The following TNFSF15 variants were observed in gnomAD, a reference collection of about 807,000 sequenced individuals.
TNFSF15 encodes the protein tumor necrosis factor ligand superfamily member 15.
In TNFSF15, 15 loss-of-function variants were observed where a neutral mutation model predicts 26.4. The ratio of observed to expected loss-of-function variants is 0.57; its 90% CI spans 0.38 to 0.87. The LOEUF (loss-of-function observed/expected upper bound fraction) is 0.87, where lower values mean the gene tolerates loss of function less well. Among genes scored for constraint, TNFSF15 ranks in the 40% least tolerant of loss-of-function variants. The pLI is 0.00. For synonymous variants in TNFSF15, 116 were observed against 115.0 expected (o/e 1.01, Z -0.06); for missense variants, 290 against 306.1 (o/e 0.95, Z 0.39).
intron 1 of TNFSF15, among the ~76,000 whole-genome samples, chr9:114,799,572 A>G (rs1260668924): frequency 1.3e-5 from 2 of 152,182 alleles, no homozygotes; most frequent in African/African-American, 2.4e-5. Context: ...GAGTGCAAAT[A>G]GATTGAGGGA....
rs555180506 is a variant in TNFSF15 at position 114,787,140 on chromosome 9, T to C, written c.*3312A>G. On this transcript the variant is annotated 3_prime_UTR_variant, in exon 4 of 4. Coordinates refer to ENST00000374045, the MANE Select transcript of TNFSF15 (RefSeq NM_005118.4). Reference sequence around the variant, plus strand: ...GACCAAACTTGAATATAGCAAATAATAACCTGTCTCTACATGTAGTTTAAA... The same window carrying C: ...GACCAAACTTGAATATAGCAAATAACAACCTGTCTCTACATGTAGTTTAAA... The C allele has an allele frequency of 6.6e-6, 1 of 152,276 alleles. No homozygotes were observed. Among genetic ancestry groups the C allele is most frequent in the African/African-American group, 2.4e-5 (1 of 41,564 alleles). 9.4% of individuals were successfully genotyped at this position (152,276 alleles called of 1,614,324 possible).
chr9:114,800,798 C>T (rs1829736504), intron 1 of TNFSF15, among the ~76,000 whole-genome samples: 1 of 152,160 alleles, frequency 6.6e-6, no homozygotes, highest in South Asian at 2.1e-4. Context: ...GTGGTTTCTG[C>T]TATATAATAA....
At chr9:114,795,306 C>T (rs1236745036) in intron 1 of TNFSF15, among the ~76,000 whole-genome samples, 3 of 152,192 alleles carry the variant, frequency 2.0e-5, no homozygotes, top group East Asian at 1.9e-4. Context: ...GAGTGATCCT[C>T]TTATTATATG....
intron 1 of TNFSF15, 41 bp from the exon 2 acceptor site, chr9:114,793,609 T>C (rs778190117): frequency 6.3e-7 from 1 of 1,596,524 alleles, no homozygotes; most frequent in African/African-American, 1.3e-5. Context: ...ACTGTGGTCC[T>C]TTTGATCCCA....
rs1477806331 is a variant in TNFSF15, at chr9:114,790,431, A to G, written c.*21T>C. The G allele has an allele frequency of 6.5e-6, 10 of 1,544,506 alleles. No individual in the cohort carries two copies. Among genetic ancestry groups the G allele is most frequent in the Non-Finnish European group, 8.7e-6 (10 of 1,145,906 alleles). ...GAACTCGGTGGCAGAGGACTTTCATATAATGATATTTGCTCTCCTCCTATA... is the reference window on the plus strand; with the variant it reads ...GAACTCGGTGGCAGAGGACTTTCATGTAATGATATTTGCTCTCCTCCTATA... On this transcript the variant is annotated 3_prime_UTR_variant, in exon 4 of 4. Transcript: ENST00000374045.
rs999256118 is a variant in TNFSF15 at position 114,784,768 on chromosome 9, C to T, written c.*5684G>A. On this transcript the variant is annotated 3_prime_UTR_variant, in exon 4 of 4. Transcript: ENST00000374045. ...AGTACCCAAAGACATGGGATGCATA[C>T]CAGTTAAGTACGTATCCAACAACAT... 1.3e-5 allele frequency: 2 copies of T among 152,126 alleles called. No individual in the cohort carries two copies. Among genetic ancestry groups the T allele is most frequent in the Non-Finnish European group, 2.9e-5 (2 of 68,016 alleles). The allele number at this position is 152,126 out of a possible 1,614,324, so 9.4% of individuals were successfully genotyped here.
intron 1 of TNFSF15, among the ~76,000 whole-genome samples, chr9:114,796,987 G>A (rs1224603749): frequency 6.6e-6 from 1 of 152,152 alleles, no homozygotes; most frequent in Non-Finnish European, 1.5e-5. Flanking sequence ...CAGAGCTGAA[G>A]GAATTGATCC....
chr9:114,797,738 T>C (rs1305470091), intron 1 of TNFSF15, among the ~76,000 whole-genome samples: 1 of 152,152 alleles, frequency 6.6e-6, no homozygotes, highest in Non-Finnish European at 1.5e-5. Flanking sequence ...ATGGCAACAT[T>C]AGCCTCCAAT....
intron 1 of TNFSF15, among the ~76,000 whole-genome samples, chr9:114,797,513 A>G (rs970317431): frequency 6.6e-6 from 1 of 152,288 alleles, no homozygotes; most frequent in Non-Finnish European, 1.5e-5. Flanking sequence ...GATAGGAAGC[A>G]GTAATGAATG....
Position 114,787,766 on chromosome 9 carries a change from AT to A in TNFSF15, c.*2685del, listed in dbSNP as rs1325282322. On this transcript the variant is annotated 3_prime_UTR_variant, in exon 4 of 4. Coordinates refer to ENST00000374045, the MANE Select transcript of TNFSF15 (RefSeq NM_005118.4). ...GTCTGACTGTGCCTTTCCGTAAAAA[AT>A]ATACTATACAGAATTTAACAAAATC... The A allele has an allele frequency of 6.5e-6, 1 of 153,798 alleles. No individual in the cohort carries two copies. Among genetic ancestry groups the A allele is most frequent in the African/African-American group, 2.4e-5 (1 of 41,464 alleles). 9.5% of individuals were successfully genotyped at this position (153,798 alleles called of 1,614,324 possible). A position where few individuals can be genotyped will look rare whatever the true frequency, so the allele number is the denominator to read the frequency against.
Position 114,790,352 on chromosome 9 carries a change from T to G in TNFSF15, c.*100A>C. On this transcript the variant is annotated 3_prime_UTR_variant, in exon 4 of 4. Transcript: ENST00000374045. ...GTTGTCCCTGTGGAATGCCCCCTAC[T>G]CCCGGCCCCAAGAAAACCCCTGGTT... The G allele has an allele frequency of 8.0e-7, 1 of 1,255,968 alleles. No individual in the cohort carries two copies. Among genetic ancestry groups the G allele is most frequent in the Non-Finnish European group, 1.1e-6 (1 of 904,652 alleles). 77.8% of individuals were successfully genotyped at this position (1,255,968 alleles called of 1,614,324 possible).
rs572147713 is a variant in TNFSF15 at position 114,787,153 on chromosome 9, C to G, written c.*3299G>C. On this transcript the variant is annotated 3_prime_UTR_variant, in exon 4 of 4. Coordinates refer to ENST00000374045, the MANE Select transcript of TNFSF15 (RefSeq NM_005118.4). The stretch of plus-strand genomic sequence containing the variant: ...TATAGCAAATAATAACCTGTCTCTA[C>G]ATGTAGTTTAAATAATGGATTCTAC... The G allele has an allele frequency of 3.9e-5, 6 of 152,194 alleles. No homozygotes were observed. In the South Asian group the frequency reaches 1.0e-3, roughly 26 times the overall value. 9.4% of individuals were successfully genotyped at this position (152,194 alleles called of 1,614,324 possible).
At chr9:114,803,412 C>A (rs1457683362) in intron 1 of TNFSF15, among the ~76,000 whole-genome samples, 2 of 152,148 alleles carry the variant, frequency 1.3e-5, no homozygotes, top group African/African-American at 4.8e-5. Flanking sequence ...AGAAATGAAG[C>A]CACATGCCTA....
intron 1 of TNFSF15, among the ~76,000 whole-genome samples, chr9:114,804,141 C>G (rs1240394404): frequency 6.6e-6 from 1 of 152,196 alleles, no homozygotes; most frequent in African/African-American, 2.4e-5. Context: ...CCCCACACAT[C>G]TGCTCTCCAG....
At chr9:114,804,942 G>T (rs921570339) in intron 1 of TNFSF15, among the ~76,000 whole-genome samples, 2 of 152,180 alleles carry the variant, frequency 1.3e-5, no homozygotes, top group Admixed American at 1.3e-4. Flanking sequence ...AGCCACCATA[G>T]ATTATGAAGG....
chr9:114,795,885 C>T (rs930668072), intron 1 of TNFSF15, among the ~76,000 whole-genome samples: 1 of 152,176 alleles, frequency 6.6e-6, no homozygotes, highest in African/African-American at 2.4e-5. Flanking sequence ...GAGTCTAGGT[C>T]TGTGAGCAGG....
chr9:114,790,697 G>A lies in TNFSF15; in HGVS notation c.511C>T (p.Pro171Ser), dbSNP rs755125917. Residue 171 changes from proline to serine, a missense_variant, in exon 4 of 4, where the codon CCA becomes TCA. Pro to Ser is a moderately conservative substitution (Grantham distance 74). Transcript: ENST00000374045. Reference protein sequence around the residue: ...ECSEIRQAGRPNKPDSITVVI... With the variant: ...ECSEIRQAGRSNKPDSITVVI... ...ACAGTGATGGAGTCTGGCTTGTTTG[G>A]TCGGCCTGCTTGTCTGATTTCACTG... 1 of 1,614,076 alleles carries A rather than the reference G, an allele frequency of 6.2e-7. No homozygotes were observed. The highest frequency in any genetic ancestry group is 1.7e-5 in the Admixed American group (1 of 60,016).
intron 3 of TNFSF15, 64 bp from the exon 4 acceptor site, chr9:114,790,970 G>C: frequency 6.7e-7 from 1 of 1,497,172 alleles, no homozygotes; most frequent in Admixed American, 1.8e-5. Context: ...CTTAAAAAGT[G>C]TCTCATATCA....
intron 1 of TNFSF15, among the ~76,000 whole-genome samples, chr9:114,795,358 A>G (rs1179670854): frequency 6.6e-6 from 1 of 152,154 alleles, no homozygotes; most frequent in East Asian, 1.9e-4. Context: ...GTGTGTTGTG[A>G]GTGTATAGTC....
Sources: allele counts gnomAD v4.1 joint callset (sites outside exome capture counted in the v4.1 genomes callset), GRCh38; gene constraint gnomAD v4.1.1; transcripts MANE v1.5; gene names NCBI Gene and HGNC (gene_info 2026-07-23, HGNC 2026-07-21).